Variants in DBF4 observed in about 807,000 individuals in gnomAD.
DBF4 encodes protein DBF4 homolog A.
A neutral mutation model predicts 76.6 loss-of-function variants in DBF4; 25 were observed. The ratio of observed to expected loss-of-function variants is 0.33; its 90% CI spans 0.24 to 0.46. The LOEUF (loss-of-function observed/expected upper bound fraction) is 0.46, where lower values mean the gene tolerates loss of function less well. DBF4 is among the 20% of genes least tolerant of loss of function. The pLI, the probability that DBF4 is intolerant of heterozygous loss-of-function variation, is 1.00. For synonymous variants in DBF4, 213 were observed against 258.0 expected, an observed-to-expected ratio of 0.83 and a Z score of 1.67; for missense variants, 638 against 760.8, an observed-to-expected ratio of 0.84 and a Z score of 1.90.
At chr7:87,901,844 GT>G (rs1473967672) in intron 10 of DBF4, among the ~76,000 whole-genome samples, 1 of 152,142 alleles carries the variant, frequency 6.6e-6, no homozygotes, top group Non-Finnish European at 1.5e-5. Context: ...GTTTGGTTCG[GT>G]TTTGGTAGAA....
chr7:87,899,257 G>C (rs1172188036), intron 8 of DBF4, among the ~76,000 whole-genome samples: 1 of 152,122 alleles, frequency 6.6e-6, no homozygotes, highest in South Asian at 2.1e-4. Context: ...ATAAATTTCT[G>C]TGCCTAAAGG....
intron 2 of DBF4, among the ~76,000 whole-genome samples, chr7:87,880,650 C>A (rs1220002093): frequency 6.6e-6 from 1 of 152,018 alleles, no homozygotes; most frequent in African/African-American, 2.4e-5. Context: ...CTTTTTAATT[C>A]ACCATTTCAC....
In DBF4 at chr7:87,878,255, G is replaced by A. The variant is rs189073408; in HGVS notation, c.219+30G>A. On this transcript the variant is annotated intron_variant, in intron 2 of 11. Transcript: ENST00000265728. The stretch of plus-strand genomic sequence containing the variant: ...GTGAAAACCGTACACTGGCATAGAA[G>A]GAAAAATTTGTAACTAGTACTTTCT... 484 of 1,545,798 alleles carry A rather than the reference G, an allele frequency of 3.1e-4. 1 individual carries two copies. In the Admixed American group the frequency reaches 4.0e-3, roughly 13 times the overall value.
intron 2 of DBF4, among the ~76,000 whole-genome samples, chr7:87,878,978 T>C (rs1839141496): frequency 6.6e-6 from 1 of 152,226 alleles, no homozygotes; most frequent in Admixed American, 6.5e-5. Context: ...TCTCATTCTA[T>C]ATGGCCTAGG....
intron 11 of DBF4, among the ~76,000 whole-genome samples, chr7:87,904,891 T>TA (rs1364313559): frequency 1.3e-5 from 2 of 152,224 alleles, no homozygotes; most frequent in African/African-American, 2.4e-5. Flanking sequence ...ATCCTTACCT[T>TA]AGACTACTTT....
In DBF4 at chr7:87,878,185, T is replaced by C. The variant is rs1322655014; in HGVS notation, c.179T>C (p.Ile60Thr). The C allele has an allele frequency of 5.0e-6, 8 of 1,612,616 alleles. No individual in the cohort carries two copies. The highest frequency in any genetic ancestry group is 6.8e-6 in the Non-Finnish European group (8 of 1,179,506). Residue 60 changes from isoleucine (I) to threonine (T), a missense_variant, in exon 2 of 12, where the codon ATA becomes ACA. Physicochemically the swap from Ile to Thr is moderately conservative, Grantham distance 89. Coordinates refer to ENST00000265728, the MANE Select transcript of DBF4 (RefSeq NM_006716.4). ...TACCTTGACTTACCTTCTGTCACCATATCTGAAAAACTTCAAAAGGACATT... is the reference window on the plus strand; with the variant it reads ...TACCTTGACTTACCTTCTGTCACCACATCTGAAAAACTTCAAAAGGACATT... ...VFYLDLPSVT[I>T]SEKLQKDIKD...
At chr7:87,896,819 T>A (rs1782500803) in intron 7 of DBF4, among the ~76,000 whole-genome samples, 2 of 152,246 alleles carry the variant, frequency 1.3e-5, no homozygotes, top group Admixed American at 1.3e-4. Flanking sequence ...GAACAGATTC[T>A]AGCAGTGAAT....
intron 6 of DBF4, among the ~76,000 whole-genome samples, chr7:87,890,746 T>G (rs918689616): frequency 1.1e-4 from 16 of 152,170 alleles, no homozygotes; most frequent in African/African-American, 3.9e-4. Flanking sequence ...TCCTCATCAT[T>G]CCTTCAGTAG....
Position 87,907,204 on chromosome 7 carries a change from G to C in DBF4, c.1066G>C (p.Gly356Arg), listed in dbSNP as rs757450957. The part of the protein sequence containing the change: ...PKKKRIKYSV[G>R]SLSPVSASVL... ...CCTACAAAGAATAAAATACAGTGTTGGATCCCTTTCTCCTGTTTCTGCAAG... is the reference window on the plus strand; with the variant it reads ...CCTACAAAGAATAAAATACAGTGTTCGATCCCTTTCTCCTGTTTCTGCAAG... Residue 356 changes from glycine to arginine, a missense_variant, in exon 12 of 12, where the codon GGA becomes CGA. Transcript: ENST00000265728. 1.3e-6 allele frequency: 2 copies of C among 1,597,166 alleles called. No individual in the cohort carries two copies. The highest frequency in any genetic ancestry group is 2.3e-5 in the South Asian group (2 of 87,138).
chr7:87,882,804 C>A lies in DBF4; in HGVS notation c.220-2175C>A, dbSNP rs186692945. ...TGGTTACTGTTAACCAGAAAAATAACAAGTGTTAACAAAGATTTGAAGAAG... is the reference window on the plus strand; with the variant it reads ...TGGTTACTGTTAACCAGAAAAATAAAAAGTGTTAACAAAGATTTGAAGAAG... On this transcript the variant is annotated intron_variant, in intron 2 of 11. Coordinates refer to ENST00000265728, the MANE Select transcript of DBF4 (RefSeq NM_006716.4). 1.2e-3 allele frequency among the ~76,000 whole-genome samples: 180 copies of A among 152,212 alleles called. 1 individual carries two copies. Among genetic ancestry groups the A allele is most frequent in the African/African-American group, 4.1e-3 (171 of 41,546 alleles).
At chr7:87,900,195 A>G (rs1463757598) in intron 8 of DBF4, 26 bp from the exon 9 acceptor site, 1 of 1,542,682 alleles carries the variant, frequency 6.5e-7, no homozygotes, top group Non-Finnish European at 8.9e-7. Flanking sequence ...AAAGAATCTC[A>G]TGTATTTGTC....
In DBF4 at chr7:87,907,848, T is replaced by G. The variant is rs1385500103; in HGVS notation, c.1710T>G (p.Pro570=). 1 of 1,613,704 alleles carries G rather than the reference T, an allele frequency of 6.2e-7. No individual in the cohort carries two copies. Among genetic ancestry groups the G allele is most frequent in the Non-Finnish European group, 8.5e-7 (1 of 1,179,910 alleles). The change falls in exon 12 of 12, where the codon CCT becomes CCG. Residue 570 remains proline (P), a synonymous_variant. Transcript: ENST00000265728. ...ACTTCAAGAATATGGATAGTTTACC[T>G]TCTGGTAAAATACATCGAAAAGTGA... ...ECDFKNMDSL[P]SGKIHRKVKI...
chr7:87,887,588 A>G (rs1409316979), intron 5 of DBF4, among the ~76,000 whole-genome samples, 190 bp downstream of exon 5: 1 of 152,194 alleles, frequency 6.6e-6, no homozygotes, highest in Non-Finnish European at 1.5e-5. Flanking sequence ...AGTTATGGAG[A>G]CTAAGAAGTC....
At position 87,876,774 on chromosome 7, in the gene DBF4, C is replaced by G. The variant is rs1470654627; in HGVS notation, c.42C>G (p.Phe14Leu). ...TGAGGATCCACAGTAAAGGACATTT[C>G]CAGGGTAAGAAGCCCCTCCTCCGCC... ...GAMRIHSKGHFQGGIQVKNEK... is the reference protein window; with the variant it reads ...GAMRIHSKGHLQGGIQVKNEK... The change falls in exon 1 of 12, where the codon TTC becomes TTG. Residue 14 changes from phenylalanine (F) to leucine (L), a missense_variant. Physicochemically the swap from Phe to Leu is conservative, Grantham distance 22. Transcript: ENST00000265728. 6.2e-7 allele frequency: 1 copy of G among 1,614,116 alleles called. No individual in the cohort carries two copies. The highest frequency in any genetic ancestry group is 1.7e-5 in the Admixed American group (1 of 60,030).
chr7:87,908,019 G>A lies in DBF4; in HGVS notation c.1881G>A (p.Glu627=). Reference sequence around the variant, plus strand: ...TAGACTTGTTTCAGACTAGTGAAGAGAAATCAGAATTTTTGGGTTTCACAA... The same window carrying A: ...TAGACTTGTTTCAGACTAGTGAAGAAAAATCAGAATTTTTGGGTTTCACAA... ...SLLDLFQTSE[E]KSEFLGFTSY... The change falls in exon 12 of 12, where the codon GAG becomes GAA. Residue 627 remains glutamate (E), a synonymous_variant. Transcript: ENST00000265728. The A allele has an allele frequency of 6.2e-7, 1 of 1,613,814 alleles. No individual in the cohort carries two copies.
Position 87,900,778 on chromosome 7 carries a change from G to A in DBF4, c.824G>A (p.Gly275Asp), listed in dbSNP as rs761886519. 16 of 1,612,518 alleles carry A rather than the reference G, an allele frequency of 9.9e-6. No individual in the cohort carries two copies. In the Admixed American group the frequency reaches 2.7e-4, roughly 27 times the overall value. The stretch of plus-strand genomic sequence containing the variant: ...TCTGTCATCAGAATCCAAACAGATG[G>A]CGATAAGTATGGTGGAACCTCAATT... ...TQVKLRIQTD[G>D]DKYGGTSIQL... Residue 275 changes from glycine to aspartate, a missense_variant, in exon 10 of 12, where the codon GGC becomes GAC. Gly to Asp is a moderately conservative substitution (Grantham distance 94). Transcript: ENST00000265728.
chr7:87,883,617 A>G (rs1356687183), intron 2 of DBF4, among the ~76,000 whole-genome samples: 2 of 152,194 alleles, frequency 1.3e-5, no homozygotes, highest in African/African-American at 4.8e-5. Flanking sequence ...TACATTATTT[A>G]CTGTTCAATG....
intron 8 of DBF4, among the ~76,000 whole-genome samples, chr7:87,899,837 G>A (rs1003514138): frequency 6.6e-6 from 1 of 152,214 alleles, no homozygotes; most frequent in African/African-American, 2.4e-5. Flanking sequence ...GTAGAATGGT[G>A]GTTGTCAGGG....
intron 11 of DBF4, among the ~76,000 whole-genome samples, chr7:87,906,000 GAA>G (rs919241602): frequency 7.2e-6 from 1 of 138,604 alleles, no homozygotes. Context: ...CATCTCCACT[GAA>G]AAAAAAAAAA....
Sources: gnomAD v4.1 joint callset for allele counts (sites outside exome capture counted in the v4.1 genomes callset) on GRCh38, gnomAD v4.1.1 for gene constraint, MANE v1.5 for transcripts, NCBI Gene and HGNC (gene_info 2026-07-23, HGNC 2026-07-21) for gene names.